PTPA: variants seen among roughly 807,000 people sequenced by gnomAD.
The protein encoded by PTPA is protein phosphatase 2 phosphatase activator, also known as serine/threonine-protein phosphatase 2A activator.
A neutral mutation model predicts 43.6 loss-of-function variants in PTPA; 13 were observed. That is an observed-to-expected ratio of 0.30 (90% CI 0.19 to 0.47). The LOEUF is 0.47. Ranked by LOEUF, PTPA falls within the 20% of genes least tolerant of loss-of-function variation. PTPA has a pLI of 0.99. For synonymous variants in PTPA, 172 were observed against 158.2 expected (o/e 1.09, Z -0.66); for missense variants, 329 against 411.9 (o/e 0.80, Z 1.74).
At position 129,128,892 on chromosome 9, in the gene PTPA, A is replaced by G. The variant is rs545202511; in HGVS notation, c.217-93A>G. The G allele has an allele frequency of 1.1e-5, 17 of 1,508,288 alleles. 1 individual carries two copies. In the South Asian group the frequency reaches 2.0e-4, roughly 18 times the overall value. 93.4% of individuals were successfully genotyped at this position (1,508,288 alleles called of 1,614,324 possible). A position where few individuals can be genotyped will look rare whatever the true frequency, so the allele number is the denominator to read the frequency against. On this transcript the variant is annotated intron_variant, in intron 3 of 9. Transcript: ENST00000393370. ...AGAGTTCCCAGTAGGGGCCATGCCA[A>G]GGGGTCATTGTCTGGCAGCAGTGGA...
At chr9:129,112,075 T>G in intron 1 of PTPA, 1 of 164,920 alleles carries the variant, frequency 6.1e-6, no homozygotes, top group Non-Finnish European at 1.3e-5. Context: ...TGCGCCCGCC[T>G]CGCCTCCAGT....
At chr9:129,111,910 G>A in intron 1 of PTPA, 1 of 678,314 alleles carries the variant, frequency 1.5e-6, no homozygotes, top group Non-Finnish European at 2.1e-6. Context: ...GCAGCGCCGT[G>A]GTCATAAGGG....
Position 129,140,504 on chromosome 9 carries a change from C to G in PTPA, c.787-1941C>G, listed in dbSNP as rs572754305. Among the ~76,000 whole-genome samples, 5 of 152,340 alleles carry G rather than the reference C, an allele frequency of 3.3e-5. No homozygotes were observed. The South Asian group carries it at 1.0e-3, about 32-fold the overall frequency. The stretch of plus-strand genomic sequence containing the variant: ...CTCCAGGACATGGGCCTAGCCCTGG[C>G]TCTGCCAGAGGCCTTTTGAGGATCT... On this transcript the variant is annotated intron_variant, in intron 8 of 9. Coordinates refer to ENST00000393370, the MANE Select transcript of PTPA (RefSeq NM_178000.3).
intron 1 of PTPA, among the ~76,000 whole-genome samples, chr9:129,115,125 C>T (rs17486247): frequency 0.061 from 9,339 of 152,126 alleles, 923 homozygotes; most frequent in African/African-American, 0.21. Flanking sequence ...TGATCTCACA[C>T]ATATAAAAGG....
chr9:129,129,493 G>A (rs1472481604), intron 4 of PTPA, among the ~76,000 whole-genome samples: 4 of 149,470 alleles, frequency 2.7e-5, no homozygotes, highest in Admixed American at 6.7e-5. Flanking sequence ...TTTTTTAGAC[G>A]GAGTCTCGCT....
At chr9:129,133,347 G>A (rs1265221639) in intron 5 of PTPA, among the ~76,000 whole-genome samples, 1 of 152,190 alleles carries the variant, frequency 6.6e-6, no homozygotes, top group African/African-American at 2.4e-5. Context: ...GGGAAGACTG[G>A]CCAGGTCAGC....
intron 4 of PTPA, among the ~76,000 whole-genome samples, chr9:129,129,667 C>T (rs1329149556): frequency 6.6e-6 from 1 of 152,024 alleles, no homozygotes; most frequent in East Asian, 1.9e-4. Flanking sequence ...GACGGGGTTT[C>T]ACCGTGTTAG....
At chr9:129,128,248 A>G (rs1422663592) in intron 3 of PTPA, among the ~76,000 whole-genome samples, 1 of 152,164 alleles carries the variant, frequency 6.6e-6, no homozygotes, top group African/African-American at 2.4e-5. Flanking sequence ...TAAAATGTTT[A>G]GTGTAGGCCA....
At chr9:129,144,973 C>T (rs1300563988) in intron 9 of PTPA, among the ~76,000 whole-genome samples, 1 of 152,038 alleles carries the variant, frequency 6.6e-6, no homozygotes, top group Non-Finnish European at 1.5e-5. Flanking sequence ...GCGGAGGTTG[C>T]AGTGAATTGA....
Position 129,142,446 on chromosome 9 carries a change from T to G in PTPA, c.788T>G (p.Met263Arg). Residue 263 changes from methionine to arginine, a missense_variant and splice_region_variant, in exon 9 of 10, where the codon ATG becomes AGG. Transcript: ENST00000393370. The part of the protein sequence containing the change: ...FLECILFITE[M>R]KTGPFAEHSN... ...CAGCTTGTGGCTTCTCTTTTTCAGA[T>G]GAAGACTGGCCCATTTGCAGAGCAC... 2.5e-6 allele frequency: 4 copies of G among 1,572,210 alleles called. No individual in the cohort carries two copies. The highest frequency in any genetic ancestry group is 1.7e-6 in the Non-Finnish European group (2 of 1,154,778).
At chr9:129,114,182 G>A (rs1017855305) in intron 1 of PTPA, among the ~76,000 whole-genome samples, 4 of 151,978 alleles carry the variant, frequency 2.6e-5, no homozygotes, top group Non-Finnish European at 4.4e-5. Context: ...CCACTGTGCC[G>A]GGCTAATTTT....
chr9:129,121,114 A>G (rs1277600967), intron 2 of PTPA, among the ~76,000 whole-genome samples: 2 of 152,218 alleles, frequency 1.3e-5, no homozygotes, highest in East Asian at 1.9e-4. Flanking sequence ...TGGGCAGAAG[A>G]TAACTACTTG....
rs1269422210 is a variant in PTPA at position 129,111,430 on chromosome 9, G to C, written c.-171G>C. On this transcript the variant is annotated 5_prime_UTR_variant, in exon 1 of 10. Transcript: ENST00000393370. ...AGCGCCCCGCACCGACATGGCGGCC[G>C]TCTTCGCTGTGGTGACTTTAACTCT... 8.0e-6 allele frequency: 10 copies of C among 1,247,954 alleles called. No individual in the cohort carries two copies. Among genetic ancestry groups the C allele is most frequent in the African/African-American group, 3.1e-5 (2 of 64,412 alleles). The allele number at this position is 1,247,954 out of a possible 1,614,324, so 77.3% of individuals were successfully genotyped here.
At chr9:129,115,444 C>G (rs1848801960) in intron 1 of PTPA, among the ~76,000 whole-genome samples, 2 of 152,078 alleles carry the variant, frequency 1.3e-5, no homozygotes, top group African/African-American at 4.8e-5. Flanking sequence ...TGGCACTTTT[C>G]TTTTCTTCAG....
At chr9:129,143,356 C>T (rs997641821) in intron 9 of PTPA, 1 of 702,978 alleles carries the variant, frequency 1.4e-6, no homozygotes, top group Admixed American at 2.0e-5. Context: ...TCCTTAAAGT[C>T]CCTTCTTTCT....
intron 5 of PTPA, among the ~76,000 whole-genome samples, chr9:129,133,242 C>T (rs900658314): frequency 2.6e-5 from 4 of 152,234 alleles, no homozygotes; most frequent in African/African-American, 9.6e-5. Flanking sequence ...ATGTGATCCA[C>T]AGGAGGGAGC....
chr9:129,128,485 G>A (rs1211516394), intron 3 of PTPA, among the ~76,000 whole-genome samples: 2 of 149,948 alleles, frequency 1.3e-5, no homozygotes, highest in African/African-American at 4.9e-5. Flanking sequence ...GCAGTGAGCC[G>A]AGATTGCACC....
rs1429893674 is a variant in PTPA at position 129,136,488 on chromosome 9, G to A, written c.578G>A (p.Arg193Gln). ...CTGTGCAGGTACCTTGAGGTTATGC[G>A]GAAACTCCAGAAAACATACAGGATG... ...KVFNRYLEVMRKLQKTYRMEP... is the reference protein window; with the variant it reads ...KVFNRYLEVMQKLQKTYRMEP... The change falls in exon 7 of 10, where the codon CGG (arginine) becomes CAG (glutamine). Residue 193 changes from arginine (R) to glutamine (Q), a missense_variant. Transcript: ENST00000393370. 2.5e-6 allele frequency: 4 copies of A among 1,613,416 alleles called. No individual in the cohort carries two copies. The highest frequency in any genetic ancestry group is 1.3e-5 in the African/African-American group (1 of 75,024).
chr9:129,142,651 C>G, intron 9 of PTPA, 99 bp downstream of exon 9: 1 of 1,560,912 alleles, frequency 6.4e-7, no homozygotes, highest in African/African-American at 1.4e-5. Flanking sequence ...CCTGCTTCCT[C>G]CTACCCCACT....
Sources: allele counts gnomAD v4.1 joint callset (sites outside exome capture counted in the v4.1 genomes callset), GRCh38; gene constraint gnomAD v4.1.1; transcripts MANE v1.5; gene names NCBI Gene and HGNC (gene_info 2026-07-23, HGNC 2026-07-21).